TPTE: variants seen among roughly 807,000 people sequenced by gnomAD.
TPTE encodes the protein transmembrane phosphatase with tensin homology.
In TPTE, 59 loss-of-function variants were observed where a neutral mutation model predicts 84.1. The ratio of observed to expected loss-of-function variants is 0.70; its 90% CI spans 0.57 to 0.87. TPTE has a LOEUF of 0.87. TPTE is among the 40% of genes least tolerant of loss of function. The pLI is 0.00. For synonymous variants in TPTE, 130 were observed against 223.5 expected, an observed-to-expected ratio of 0.58 and a Z score of 3.73; for missense variants, 382 against 659.6, an observed-to-expected ratio of 0.58 and a Z score of 4.61.
intron 10 of TPTE, among the ~76,000 whole-genome samples, chr21:10,562,714 A>C (rs1382750224): frequency 6.6e-6 from 1 of 152,428 alleles, no homozygotes; most frequent in East Asian, 1.9e-4. Context: ...TTCAAAATAC[A>C]TAGAGGAGAC....
intron 9 of TPTE, among the ~76,000 whole-genome samples, chr21:10,559,960 CAAT>C (rs1257873075): frequency 6.3e-4 from 95 of 151,892 alleles, no homozygotes; most frequent in Non-Finnish European, 1.2e-3. Flanking sequence ...CTTAATACTT[CAAT>C]GAGAAATACT....
At chr21:10,522,253 G>C (rs1355562299) in intron 1 of TPTE, among the ~76,000 whole-genome samples, 1 of 152,292 alleles carries the variant, frequency 6.6e-6, no homozygotes, top group Non-Finnish European at 1.5e-5. Context: ...AGGTGCGGGC[G>C]ATCCCGGGCT....
chr21:10,547,873 A>G (rs1302269939), intron 7 of TPTE, among the ~76,000 whole-genome samples: 1 of 152,306 alleles, frequency 6.6e-6, no homozygotes, highest in Non-Finnish European at 1.5e-5. Flanking sequence ...ATCCAGGGTA[A>G]ATTCACTCTT....
chr21:10,525,215 G>A lies in TPTE; in HGVS notation c.-102+527G>A, dbSNP rs558519165. ...ATGGGTTTTTATTAGTGAAATTGGC[G>A]GCTTACAAAGCAGCATGATGGATGT... is the stretch of plus-strand genomic sequence containing the variant. On this transcript the variant is annotated intron_variant, in intron 2 of 23. Transcript: ENST00000618007. 6.7e-4 allele frequency among the ~76,000 whole-genome samples: 102 copies of A among 152,380 alleles called. No homozygotes were observed. In the East Asian group the frequency reaches 7.9e-3, roughly 12 times the overall value.
chr21:10,582,283 T>TAATTTGTAA (rs1333831608), intron 17 of TPTE, among the ~76,000 whole-genome samples: 3 of 152,310 alleles, frequency 2.0e-5, no homozygotes, highest in African/African-American at 7.2e-5. Flanking sequence ...TGCTGTTTTG[T>TAATTTGTAA]TCTCCATTAA....
chr21:10,542,439 C>G lies in TPTE; in HGVS notation c.110C>G (p.Ala37Gly), dbSNP rs368032413. ...EFKGATEEAP[A>G]KESPHTSEFK... ...AAAGGAGCAACCGAGGAGGCACCTG[C>G]GAAAGAAAGGTGAGCAATAAATAGT... Residue 37 changes from alanine to glycine, a missense_variant, in exon 6 of 24, where the codon GCG (alanine) becomes GGG (glycine). Ala to Gly is a moderately conservative substitution (Grantham distance 60). Around this residue, in one of 10 missense-constraint regions of TPTE, gnomAD observed 63 missense variants for 49.5 expected, o/e 1.27. Coordinates refer to ENST00000618007, the MANE Select transcript of TPTE (RefSeq NM_199261.4). 4 of 1,610,950 alleles carry G rather than the reference C, an allele frequency of 2.5e-6. No homozygotes were observed. The highest frequency in any genetic ancestry group is 3.4e-6 in the Non-Finnish European group (4 of 1,177,792).
At chr21:10,581,861 A>T (rs1366444184) in intron 17 of TPTE, among the ~76,000 whole-genome samples, 1 of 152,306 alleles carries the variant, frequency 6.6e-6, no homozygotes, top group African/African-American at 2.4e-5. Context: ...AGCCCCTCTG[A>T]GTAAGTGGGA....
intron 17 of TPTE, among the ~76,000 whole-genome samples, chr21:10,586,985 T>C (rs556086644): frequency 7.9e-4 from 121 of 152,248 alleles, no homozygotes; most frequent in African/African-American, 2.7e-3. Context: ...AGATTCTCTT[T>C]GTTGAGTTAA....
At chr21:10,583,841 T>C (rs1339857483) in intron 17 of TPTE, among the ~76,000 whole-genome samples, 42 of 152,338 alleles carry the variant, frequency 2.8e-4, no homozygotes, top group Non-Finnish European at 4.6e-4. Context: ...CATGAATCTG[T>C]TTCTGACATT....
chr21:10,587,030 G>T (rs1261422900), intron 17 of TPTE, among the ~76,000 whole-genome samples: 1 of 152,298 alleles, frequency 6.6e-6, no homozygotes, highest in Non-Finnish European at 1.5e-5. Context: ...TAAAGTCACA[G>T]GTGCAGGCTG....
intron 17 of TPTE, among the ~76,000 whole-genome samples, chr21:10,587,192 CTTTCTT>C (rs1479442851): frequency 4.1e-4 from 62 of 152,282 alleles, no homozygotes; most frequent in South Asian, 1.2e-3. Context: ...AGGCAAAAGA[CTTTCTT>C]TTTCTTTTTG....
At position 10,590,531 on chromosome 21, in the gene TPTE, A is replaced by T; in HGVS notation, c.1089+8A>T. The T allele has an allele frequency of 6.2e-7, 1 of 1,614,032 alleles. No individual in the cohort carries two copies. Among genetic ancestry groups the T allele is most frequent in the Non-Finnish European group, 8.5e-7 (1 of 1,179,870 alleles). ...ATATGTTCAACTGCAAAGGTATGAAAGATGTTCTACAAACTTTGTCTTAGG... is the reference window on the plus strand; with the variant it reads ...ATATGTTCAACTGCAAAGGTATGAATGATGTTCTACAAACTTTGTCTTAGG... On this transcript the variant is annotated splice_region_variant and intron_variant, in intron 18 of 23. Coordinates refer to ENST00000618007, the MANE Select transcript of TPTE (RefSeq NM_199261.4).
chr21:10,558,774 G>T (rs1258205015), intron 8 of TPTE, among the ~76,000 whole-genome samples: 2 of 143,358 alleles, frequency 1.4e-5, no homozygotes, highest in Non-Finnish European at 3.1e-5. Flanking sequence ...TTCTCCTCCT[G>T]AAGAGCCTCC....
chr21:10,590,376 A>C (rs1299414680), intron 17 of TPTE, 86 bp from the exon 18 acceptor site: 1 of 1,598,174 alleles, frequency 6.3e-7, no homozygotes, highest in African/African-American at 1.3e-5. Context: ...AAAGAAAGAA[A>C]ATCAAGTTAA....
chr21:10,533,617 T>C (rs2074217265), intron 3 of TPTE, among the ~76,000 whole-genome samples: 1 of 152,306 alleles, frequency 6.6e-6, no homozygotes, highest in East Asian at 1.9e-4. Flanking sequence ...ACCCACTTTT[T>C]CCTTTCAAAA....
At chr21:10,572,971 T>C (rs1458910013) in intron 14 of TPTE, among the ~76,000 whole-genome samples, 1 of 151,980 alleles carries the variant, frequency 6.6e-6, no homozygotes, top group African/African-American at 2.4e-5. Flanking sequence ...AATGACAGGA[T>C]AAAGCCTCAT....
intron 13 of TPTE, 80 bp downstream of exon 13, chr21:10,569,826 A>C: frequency 1.2e-6 from 2 of 1,612,662 alleles, no homozygotes. Context: ...CTCATCTAAG[A>C]CACATTCATT....
chr21:10,527,383 G>C lies in TPTE; in HGVS notation c.-73G>C, dbSNP rs1399337126. ...TATGGATTCACTACCAGATTCTACT[G>C]TATGCTCTTGACAACTATGACCACA... On this transcript the variant is annotated 5_prime_UTR_variant, in exon 3 of 24. Coordinates refer to ENST00000618007, the MANE Select transcript of TPTE (RefSeq NM_199261.4). 2 of 152,642 alleles carry C rather than the reference G, an allele frequency of 1.3e-5. No individual in the cohort carries two copies. The highest frequency in any genetic ancestry group is 2.1e-4 in the South Asian group (1 of 4,828). The allele number at this position is 152,642 out of a possible 1,614,324, so 9.5% of individuals were successfully genotyped here.
intron 19 of TPTE, among the ~76,000 whole-genome samples, chr21:10,594,591 G>T (rs527875158): frequency 1.8e-4 from 28 of 152,362 alleles, no homozygotes; most frequent in African/African-American, 6.5e-4. Context: ...CTTAGGGAAA[G>T]GTGGAGAATC....
Sources: gnomAD v4.1 joint callset for allele counts (sites outside exome capture counted in the v4.1 genomes callset) on GRCh38, gnomAD v4.1.1 for gene constraint, gnomAD v4.1.1 regional missense constraint, MANE v1.5 for transcripts, NCBI Gene and HGNC (gene_info 2026-07-23, HGNC 2026-07-21) for gene names.